GALNTL6: variants seen among roughly 807,000 people sequenced by gnomAD.
GALNTL6 encodes polypeptide N-acetylgalactosaminyltransferase-like 6.
GALNTL6 carries 46 observed loss-of-function variants against 73.7 expected under a neutral mutation model. That is an observed-to-expected ratio of 0.62 (90% CI 0.49 to 0.80). The LOEUF (loss-of-function observed/expected upper bound fraction) is 0.80, where lower values mean the gene tolerates loss of function less well. GALNTL6 is among the 30% of genes least tolerant of loss of function. GALNTL6 has a pLI of 0.00. For synonymous variants in GALNTL6, 259 were observed against 263.7 expected, an observed-to-expected ratio of 0.98 and a Z score of 0.17; for missense variants, 604 against 755.0, an observed-to-expected ratio of 0.80 and a Z score of 2.34.
At chr4:172,455,478 G>A (rs1033881092) in intron 5 of GALNTL6, among the ~76,000 whole-genome samples, 8 of 152,172 alleles carry the variant, frequency 5.3e-5, no homozygotes, top group Non-Finnish European at 8.8e-5. Flanking sequence ...CTTGCTGCGA[G>A]CACAGCAGCC....
At chr4:172,940,390 T>C (rs28645888) in intron 9 of GALNTL6, among the ~76,000 whole-genome samples, 359 of 151,514 alleles carry the variant, frequency 2.4e-3, no homozygotes, top group African/African-American at 7.9e-3. Flanking sequence ...TGAAATGGAG[T>C]CCCACCCTGT....
At chr4:172,160,530 A>G (rs1734423912) in intron 2 of GALNTL6, among the ~76,000 whole-genome samples, 1 of 152,066 alleles carries the variant, frequency 6.6e-6, no homozygotes, top group Non-Finnish European at 1.5e-5. Context: ...GAAGGAAACT[A>G]AGAGCACATG....
At chr4:172,966,674 G>A (rs1354326299) in intron 10 of GALNTL6, among the ~76,000 whole-genome samples, 1 of 152,236 alleles carries the variant, frequency 6.6e-6, no homozygotes, top group Non-Finnish European at 1.5e-5. Context: ...TTACAGGCGT[G>A]AGCCACCGCG....
intron 12 of GALNTL6, among the ~76,000 whole-genome samples, chr4:173,035,397 C>T (rs1418318135): frequency 6.6e-6 from 1 of 152,114 alleles, no homozygotes; most frequent in South Asian, 2.1e-4. Flanking sequence ...AGGCTGGTCT[C>T]GAACTTCTGA....
chr4:172,363,852 G>A (rs1167804352), intron 5 of GALNTL6, among the ~76,000 whole-genome samples: 5 of 151,898 alleles, frequency 3.3e-5, no homozygotes, highest in South Asian at 2.1e-4. Context: ...TTATTTCTTC[G>A]GTTCCTTTAA....
At chr4:172,270,294 A>G (rs1445826317) in intron 3 of GALNTL6, among the ~76,000 whole-genome samples, 2 of 152,022 alleles carry the variant, frequency 1.3e-5, no homozygotes, top group African/African-American at 2.4e-5. Flanking sequence ...TCATTCAGTA[A>G]TATATTCAAA....
intron 7 of GALNTL6, among the ~76,000 whole-genome samples, chr4:172,826,746 C>G (rs1285775326): frequency 6.6e-6 from 1 of 152,218 alleles, no homozygotes; most frequent in African/African-American, 2.4e-5. Flanking sequence ...TCTCAGGTCA[C>G]TGGACAGCAG....
At chr4:172,875,625 G>T (rs187347442) in intron 7 of GALNTL6, among the ~76,000 whole-genome samples, 1 of 152,150 alleles carries the variant, frequency 6.6e-6, no homozygotes, top group East Asian at 1.9e-4. Flanking sequence ...CAGCAGGAAA[G>T]ATCAGCTCTA....
rs192551528 is a variant in GALNTL6, at chr4:172,540,989, T to G, written c.553+192300T>G. Among the ~76,000 whole-genome samples the G allele has an allele frequency of 2.0e-5, 3 of 152,270 alleles. No individual in the cohort carries two copies. In the East Asian group the frequency reaches 5.8e-4, roughly 29 times the overall value. ...GAAGGCCTGGCTACATTAATGGAGA[T>G]TCTCAACAGATGCAAATTTCCCTCA... is the stretch of plus-strand genomic sequence containing the variant. On this transcript the variant is annotated intron_variant, in intron 5 of 12. Transcript: ENST00000506823.
chr4:172,398,966 T>C (rs1297776756), intron 5 of GALNTL6, among the ~76,000 whole-genome samples: 1 of 152,070 alleles, frequency 6.6e-6, no homozygotes, highest in African/African-American at 2.4e-5. Context: ...GCACTGAAAT[T>C]AACACAAAAA....
chr4:171,947,149 T>C (rs759777419), intron 2 of GALNTL6, among the ~76,000 whole-genome samples: 16 of 152,150 alleles, frequency 1.1e-4, no homozygotes, highest in Non-Finnish European at 2.1e-4. Flanking sequence ...TTATCCATTA[T>C]CTCTCTTTCC....
At chr4:172,306,960 T>G (rs1172721502) in intron 3 of GALNTL6, among the ~76,000 whole-genome samples, 1 of 152,204 alleles carries the variant, frequency 6.6e-6, no homozygotes, top group Non-Finnish European at 1.5e-5. Flanking sequence ...ATGACTTCTT[T>G]CCTTCTGAGT....
At chr4:172,845,229 A>AAAAAAG (rs1390280781) in intron 7 of GALNTL6, among the ~76,000 whole-genome samples, 5 of 147,638 alleles carry the variant, frequency 3.4e-5, no homozygotes, top group Admixed American at 6.6e-5. Flanking sequence ...AAAAAAAAAA[A>AAAAAAG]AAAAAGAAAA....
At chr4:172,619,401 A>G (rs1212064956) in intron 5 of GALNTL6, among the ~76,000 whole-genome samples, 1 of 152,112 alleles carries the variant, frequency 6.6e-6, no homozygotes, top group Non-Finnish European at 1.5e-5. Flanking sequence ...CATTCTGCCA[A>G]TTCATTCACT....
chr4:172,385,111 A>C (rs1743419933), intron 5 of GALNTL6, among the ~76,000 whole-genome samples: 1 of 141,248 alleles, frequency 7.1e-6, no homozygotes, highest in African/African-American at 2.6e-5. Flanking sequence ...TTCTTCTGTT[A>C]TTGATTTTTG....
chr4:172,581,833 TA>T (rs1436227289), intron 5 of GALNTL6, among the ~76,000 whole-genome samples: 3 of 152,152 alleles, frequency 2.0e-5, no homozygotes, highest in African/African-American at 7.2e-5. Flanking sequence ...CCTGAAGAAA[TA>T]AAGGAACTGT....
At chr4:172,297,763 T>C (rs1046207830) in intron 3 of GALNTL6, among the ~76,000 whole-genome samples, 3 of 152,184 alleles carry the variant, frequency 2.0e-5, no homozygotes, top group Non-Finnish European at 4.4e-5. Context: ...TGCCTTGTAG[T>C]ATAGTTTGAA....
At chr4:172,500,421 A>G (rs969311892) in intron 5 of GALNTL6, among the ~76,000 whole-genome samples, 5 of 152,194 alleles carry the variant, frequency 3.3e-5, no homozygotes, top group African/African-American at 1.2e-4. Context: ...CCCCCATCTC[A>G]GAGCAAAACA....
intron 5 of GALNTL6, among the ~76,000 whole-genome samples, chr4:172,522,321 T>G (rs370934027): frequency 6.6e-6 from 1 of 152,198 alleles, no homozygotes; most frequent in East Asian, 1.9e-4. Flanking sequence ...TTCTCTTAGT[T>G]GATTATTATC....
Sources: gnomAD v4.1 joint callset for allele counts (sites outside exome capture counted in the v4.1 genomes callset) on GRCh38, gnomAD v4.1.1 for gene constraint, MANE v1.5 for transcripts, NCBI Gene and HGNC (gene_info 2026-07-23, HGNC 2026-07-21) for gene names.